Variants in HDAC9 observed in about 807,000 individuals in gnomAD.
The protein encoded by HDAC9 is MEF-2 interacting transcription repressor (MITR) protein.
A neutral mutation model predicts 139.4 loss-of-function variants in HDAC9; 41 were observed. The observed-to-expected ratio is 0.29, with a 90% CI of 0.23 to 0.38. The LOEUF is 0.38. HDAC9 is among the 10% of genes least tolerant of loss of function. The probability of loss-of-function intolerance (pLI) is 1.00; values close to 1 mark genes in which losing one functional copy is unlikely to be tolerated. For synonymous variants in HDAC9, 517 were observed against 476.2 expected (o/e 1.09, Z -1.12); for missense variants, 1,147 against 1,297.0 (o/e 0.88, Z 1.78).
At chr7:18,310,210 C>T (rs1013566707) in intron 1 of HDAC9, among the ~76,000 whole-genome samples, 2 of 152,142 alleles carry the variant, frequency 1.3e-5, no homozygotes, top group African/African-American at 4.8e-5. Context: ...CCCAGGCTTC[C>T]CCATGTCCAT....
chr7:18,418,025 T>C (rs1472189907), intron 1 of HDAC9, among the ~76,000 whole-genome samples: 1 of 152,168 alleles, frequency 6.6e-6, no homozygotes, highest in East Asian at 1.9e-4. Flanking sequence ...TGCCATCATA[T>C]AGAAATGCTC....
chr7:18,992,253 G>A (rs1786041249), intron 25 of HDAC9, among the ~76,000 whole-genome samples: 1 of 152,192 alleles, frequency 6.6e-6, no homozygotes, highest in African/African-American at 2.4e-5. Context: ...CAAGCCCAGT[G>A]TCCATTATTG....
At position 18,418,634 on chromosome 7, in the gene HDAC9, A is replaced by G. The variant is rs566781434; in HGVS notation, c.-41-77628A>G. On this transcript the variant is annotated intron_variant, in intron 1 of 3. Coordinates refer to the HDAC9 transcript ENST00000413509. ...TTTTTCACAAAACTAAATTTATTCA[A>G]TTTAAAGGACTTTATTTTTTACTTT... 1.4e-4 allele frequency among the ~76,000 whole-genome samples: 21 copies of G among 152,306 alleles called. No individual in the cohort carries two copies. The South Asian group carries it at 3.9e-3, about 29-fold the overall frequency.
At chr7:18,817,304 G>C (rs1794644498) in intron 17 of HDAC9, among the ~76,000 whole-genome samples, 2 of 151,958 alleles carry the variant, frequency 1.3e-5, no homozygotes, top group Admixed American at 1.3e-4. Context: ...AAAGTGCTGG[G>C]TTTACAGGCG....
chr7:18,910,170 T>C (rs1802618474), intron 22 of HDAC9, among the ~76,000 whole-genome samples: 1 of 152,018 alleles, frequency 6.6e-6, no homozygotes, highest in Non-Finnish European at 1.5e-5. Context: ...ATTTTAACAA[T>C]ATTAATTCAT....
intron 24 of HDAC9, among the ~76,000 whole-genome samples, chr7:18,955,408 C>T (rs1783081642): frequency 6.6e-6 from 1 of 152,098 alleles, no homozygotes; most frequent in South Asian, 2.1e-4. Flanking sequence ...CATCCACATG[C>T]AATCCAATGT....
chr7:18,611,969 G>T (rs1584098659), intron 6 of HDAC9, among the ~76,000 whole-genome samples: 2 of 152,250 alleles, frequency 1.3e-5, no homozygotes, highest in Admixed American at 1.3e-4. Flanking sequence ...CCTGTTTCAA[G>T]TTGGGCTTTC....
At chr7:18,299,794 G>A (rs2128229109) in intron 1 of HDAC9, among the ~76,000 whole-genome samples, 1 of 152,318 alleles carries the variant, frequency 6.6e-6, no homozygotes, top group East Asian at 1.9e-4. Context: ...GCTCTGCAAT[G>A]TAGATCTGAA....
chr7:18,829,378 T>A (rs922705045), intron 18 of HDAC9, 83 bp from the exon 19 acceptor site: 1 of 1,221,928 alleles, frequency 8.2e-7, no homozygotes, highest in South Asian at 1.2e-5. Flanking sequence ...ATATAGCATT[T>A]AAAAAAATGC....
At chr7:18,354,151 T>C (rs1783074942) in intron 1 of HDAC9, among the ~76,000 whole-genome samples, 1 of 152,168 alleles carries the variant, frequency 6.6e-6, no homozygotes, top group Non-Finnish European at 1.5e-5. Context: ...ATAGAAAACC[T>C]ATTTTAAATC....
intron 1 of HDAC9, among the ~76,000 whole-genome samples, chr7:18,478,520 C>G (rs548498169): frequency 6.6e-6 from 1 of 152,258 alleles, no homozygotes; most frequent in East Asian, 1.9e-4. Flanking sequence ...ATAGTAATTT[C>G]TCACTGTTGA....
intron 1 of HDAC9, among the ~76,000 whole-genome samples, chr7:18,397,166 A>G (rs1348534848): frequency 3.3e-5 from 5 of 152,130 alleles, no homozygotes; most frequent in African/African-American, 7.2e-5. Context: ...CAGCTTTTAA[A>G]TGGGTGAAGA....
chr7:18,197,267 C>G (rs2128156487), intron 2 of HDAC9, among the ~76,000 whole-genome samples: 1 of 152,164 alleles, frequency 6.6e-6, no homozygotes, highest in Middle Eastern at 3.4e-3. Context: ...TCTGGAGAAC[C>G]CTGACTAATA....
At chr7:18,640,844 G>C (rs902082254) in intron 8 of HDAC9, among the ~76,000 whole-genome samples, 3 of 152,128 alleles carry the variant, frequency 2.0e-5, no homozygotes, top group Non-Finnish European at 2.9e-5. Context: ...GATGCCCCGA[G>C]GTAGATGTCC....
rs764610823 is a variant in HDAC9 at position 18,786,483 on chromosome 7, T to TTCC, written c.2215-6861_2215-6860insCCT. Among the ~76,000 whole-genome samples, 510 of 76,994 alleles carry TTCC rather than the reference T, an allele frequency of 6.6e-3. 3 individuals carry two copies. Among genetic ancestry groups the TTCC allele is most frequent in the African/African-American group, 0.017 (456 of 26,506 alleles). 50.5% of individuals were successfully genotyped at this position (76,994 alleles called of 152,430 possible). On this transcript the variant is annotated intron_variant, in intron 16 of 25. Transcript: ENST00000686413. ...CTTCCTTCCTTTCGTCCTTCCTTCC[T>TTCC]TTCTTCCTTCCTTCCTTCCTTCCTC...
At chr7:18,490,829 A>G (rs1693662867), upstream of HDAC9, among the ~76,000 whole-genome samples, 2 of 150,072 alleles carry the variant, frequency 1.3e-5, no homozygotes, top group Non-Finnish European at 2.9e-5. Flanking sequence ...AAGAGGTAAC[A>G]TCAATGAGTG....
chr7:18,458,939 G>A (rs1793595241), intron 1 of HDAC9: 2 of 1,425,628 alleles, frequency 1.4e-6, no homozygotes, highest in Non-Finnish European at 1.9e-6. Context: ...TGGTTTCTTG[G>A]GAGTAGAGCT....
upstream of HDAC9, among the ~76,000 whole-genome samples, chr7:18,493,537 C>A (rs148343799): frequency 8.3e-3 from 1,261 of 151,930 alleles, 19 homozygotes; most frequent in African/African-American, 0.029. Flanking sequence ...AAGCCTCCTT[C>A]GTTTCCTCAT....
At chr7:18,964,443 T>C (rs536901196) in intron 24 of HDAC9, among the ~76,000 whole-genome samples, 13 of 152,336 alleles carry the variant, frequency 8.5e-5, no homozygotes, top group African/African-American at 3.1e-4. Flanking sequence ...TAGAGCATGA[T>C]CATTTGATTA....
Sources: allele counts gnomAD v4.1 joint callset (sites outside exome capture counted in the v4.1 genomes callset), GRCh38; gene constraint gnomAD v4.1.1; transcripts MANE v1.5; gene names NCBI Gene and HGNC (gene_info 2026-07-23, HGNC 2026-07-21).